SCAF8: variants seen among roughly 807,000 people sequenced by gnomAD.
SCAF8 encodes the protein SR-related CTD associated factor 8.
In SCAF8, 23 loss-of-function variants were observed where a neutral mutation model predicts 140.5. That is an observed-to-expected ratio of 0.16 (90% confidence interval 0.12 to 0.23). SCAF8 has a LOEUF of 0.23. Among genes scored for constraint, SCAF8 ranks in the 10% least tolerant of loss-of-function variants. The probability of loss-of-function intolerance (pLI) is 1.00; values close to 1 mark genes in which losing one functional copy is unlikely to be tolerated. For synonymous variants in SCAF8, 575 were observed against 528.9 expected (o/e 1.09, Z -1.20); for missense variants, 1,397 against 1,555.7 (o/e 0.90, Z 1.72).
At chr6:154,816,938 T>G (rs1018863872) in intron 13 of SCAF8, among the ~76,000 whole-genome samples, 1 of 152,234 alleles carries the variant, frequency 6.6e-6, no homozygotes, top group Non-Finnish European at 1.5e-5. Flanking sequence ...ACACAGGTGA[T>G]AAAAAGATGA....
intron 1 of SCAF8, among the ~76,000 whole-genome samples, chr6:154,761,200 G>A (rs1776384027): frequency 6.6e-6 from 1 of 152,146 alleles, no homozygotes; most frequent in Non-Finnish European, 1.5e-5. Context: ...GCAGTTACAT[G>A]TGGTATGTTT....
intron 19 of SCAF8, 23 bp from the exon 20 acceptor site, chr6:154,831,916 T>G (rs1487346585): frequency 6.4e-7 from 1 of 1,558,014 alleles, no homozygotes; most frequent in African/African-American, 1.4e-5. Flanking sequence ...TTTTGAGTTT[T>G]TTCTCTCTCT....
chr6:154,795,638 A>G (rs755970634), intron 6 of SCAF8, among the ~76,000 whole-genome samples: 2 of 152,200 alleles, frequency 1.3e-5, no homozygotes, highest in South Asian at 2.1e-4. Context: ...TGGACTAGTC[A>G]TGGCAGGACA....
intron 9 of SCAF8, among the ~76,000 whole-genome samples, chr6:154,805,959 A>G (rs1415992094): frequency 6.6e-6 from 1 of 152,132 alleles, no homozygotes; most frequent in Non-Finnish European, 1.5e-5. Flanking sequence ...GAGCTTTATT[A>G]GGTATGTGGT....
intron 1 of SCAF8, among the ~76,000 whole-genome samples, chr6:154,770,423 CTAGTT>C (rs1271821336): frequency 7.0e-6 from 1 of 143,760 alleles, no homozygotes; most frequent in Non-Finnish European, 1.5e-5. Context: ...CTCTCTCTCT[CTAGTT>C]GAGTGTGGCG....
chr6:154,783,418 T>C (rs1240223070), intron 3 of SCAF8, among the ~76,000 whole-genome samples: 2 of 152,368 alleles, frequency 1.3e-5, no homozygotes, highest in Non-Finnish European at 1.5e-5. Context: ...TTTCTGGCTC[T>C]GAAAGTGGTC....
intron 4 of SCAF8, among the ~76,000 whole-genome samples, chr6:154,788,519 CAG>C (rs760852290): frequency 2.4e-4 from 36 of 152,228 alleles, no homozygotes; most frequent in Admixed American, 1.4e-3. Flanking sequence ...ATTTCTCAAA[CAG>C]AGAGTATAGA....
At chr6:154,757,391 G>C (rs965929455) in intron 1 of SCAF8, among the ~76,000 whole-genome samples, 2 of 152,210 alleles carry the variant, frequency 1.3e-5, no homozygotes, top group Non-Finnish European at 2.9e-5. Context: ...GAAAAATTAA[G>C]AGAAATTTAT....
intron 4 of SCAF8, 89 bp downstream of exon 4, chr6:154,788,111 G>A: frequency 1.8e-6 from 2 of 1,087,688 alleles, no homozygotes; most frequent in Non-Finnish European, 2.6e-6. Context: ...TCTTAGTACA[G>A]TCATGTGCCA....
At chr6:154,736,892 A>G (rs568432244) in intron 1 of SCAF8, among the ~76,000 whole-genome samples, 3 of 152,282 alleles carry the variant, frequency 2.0e-5, no homozygotes, top group Non-Finnish European at 4.4e-5. Flanking sequence ...TTCAAAGTGG[A>G]GTTAGCTTAA....
At position 154,820,326 on chromosome 6, in the gene SCAF8, A is replaced by G. The variant is rs754914865; in HGVS notation, c.1785A>G (p.Val595=). The part of the protein sequence containing the change: ...AEGGMIDQET[V]NTEWETVKSS... ...GAGGCATGATTGATCAGGAGACTGT[A>G]AATACTGGTAAGAATTCTAAGGTCT... is the stretch of plus-strand genomic sequence containing the variant. The change falls in exon 15 of 20, where the codon GTA becomes GTG. Residue 595 remains valine, a synonymous_variant. Coordinates refer to ENST00000367178, the MANE Select transcript of SCAF8 (RefSeq NM_014892.5). The G allele has an allele frequency of 3.1e-6, 5 of 1,603,592 alleles. No homozygotes were observed. The East Asian group carries it at 6.7e-5, about 22-fold the overall frequency.
At chr6:154,817,363 C>G (rs1040545190) in intron 13 of SCAF8, among the ~76,000 whole-genome samples, 1 of 152,200 alleles carries the variant, frequency 6.6e-6, no homozygotes, top group Non-Finnish European at 1.5e-5. Flanking sequence ...CCTTGAGCAT[C>G]TGTTTGCCTT....
intron 4 of SCAF8, 127 bp downstream of exon 4, chr6:154,788,149 A>T: frequency 1.3e-6 from 1 of 747,770 alleles, no homozygotes; most frequent in Non-Finnish European, 2.2e-6. Flanking sequence ...GACAGACCGC[A>T]TATACAGTGG....
chr6:154,738,220 C>A (rs1265783557), intron 1 of SCAF8, among the ~76,000 whole-genome samples: 1 of 151,356 alleles, frequency 6.6e-6, no homozygotes, highest in Non-Finnish European at 1.5e-5. Context: ...GAAAAGAAAA[C>A]CCCAATAATA....
rs77384057 is a variant in SCAF8, at chr6:154,822,511, G to A, written c.1926+102G>A. ...AACCGGAATGAAAATCTCCATATTA[G>A]AATAAATGTTTGTCAGTAGTGTTAG... On this transcript the variant is annotated intron_variant, in intron 16 of 19. Coordinates refer to ENST00000367178, the MANE Select transcript of SCAF8 (RefSeq NM_014892.5). 370 of 1,209,086 alleles carry A rather than the reference G, an allele frequency of 3.1e-4. 5 individuals carry two copies. In the East Asian group the frequency reaches 8.7e-3, roughly 28 times the overall value. The allele number at this position is 1,209,086 out of a possible 1,614,324, so 74.9% of individuals were successfully genotyped here. A position where few individuals can be genotyped will look rare whatever the true frequency, so the allele number is the denominator to read the frequency against.
intron 12 of SCAF8, among the ~76,000 whole-genome samples, chr6:154,812,176 CTTTTTTTTTTT>C (rs67493657): frequency 1.2e-4 from 13 of 106,392 alleles, no homozygotes; most frequent in South Asian, 1.0e-3. Context: ...AAGATACTGC[CTTTTTTTTTTT>C]TTTTTTTTTT....
In SCAF8 at chr6:154,733,887, T is replaced by C. The variant is rs1778334035; in HGVS notation, c.-14T>C. On this transcript the variant is annotated 5_prime_UTR_variant, in exon 1 of 20. Coordinates refer to ENST00000367178, the MANE Select transcript of SCAF8 (RefSeq NM_014892.5). ...CTCTTCCGCCGCCGGGCTCGGGGCC[T>C]CCGCAGCGACAACATGGAGGCCGTG... is the stretch of plus-strand genomic sequence containing the variant. 1 of 1,543,702 alleles carries C rather than the reference T, an allele frequency of 6.5e-7. No individual in the cohort carries two copies. Among genetic ancestry groups the C allele is most frequent in the Non-Finnish European group, 8.7e-7 (1 of 1,150,510 alleles).
Position 154,733,800 on chromosome 6 carries a change from C to T in SCAF8, c.-101C>T. On this transcript the variant is annotated 5_prime_UTR_variant, in exon 1 of 20. Coordinates refer to ENST00000367178, the MANE Select transcript of SCAF8 (RefSeq NM_014892.5). ...GCGGCCCGCTCTCCCGCCAGCGCCC[C>T]CTCCTCGCGGCCACGCAGCAGCCCG... is the stretch of plus-strand genomic sequence containing the variant. The T allele has an allele frequency of 1.4e-6, 2 of 1,425,566 alleles. No individual in the cohort carries two copies. The highest frequency in any genetic ancestry group is 1.8e-6 in the Non-Finnish European group (2 of 1,091,694). 88.3% of individuals were successfully genotyped at this position (1,425,566 alleles called of 1,614,324 possible).
intron 12 of SCAF8, 74 bp from the exon 13 acceptor site, chr6:154,815,642 T>C: frequency 1.4e-6 from 1 of 735,252 alleles, no homozygotes; most frequent in Non-Finnish European, 2.3e-6. Flanking sequence ...TATTACTGCT[T>C]TTTCCTCAAT....
Sources: gnomAD v4.1 joint callset for allele counts (sites outside exome capture counted in the v4.1 genomes callset) on GRCh38, gnomAD v4.1.1 for gene constraint, MANE v1.5 for transcripts, NCBI Gene and HGNC (gene_info 2026-07-23, HGNC 2026-07-21) for gene names.